MYOF: variants seen among roughly 807,000 people sequenced by gnomAD.
The protein encoded by MYOF is myoferlin.
Under a neutral mutation model 284.2 loss-of-function variants are expected in MYOF, and 244 were observed. That is an observed-to-expected ratio of 0.86 (90% CI 0.77 to 0.95). The LOEUF is 0.95. Ranked by LOEUF, MYOF falls within the 40% of genes least tolerant of loss-of-function variation. The pLI, the probability that MYOF is intolerant of heterozygous loss-of-function variation, is 0.00. For synonymous variants in MYOF, 904 were observed against 919.7 expected, an observed-to-expected ratio of 0.98 and a Z score of 0.31; for missense variants, 2,496 against 2,560.6, an observed-to-expected ratio of 0.97 and a Z score of 0.54.
At chr10:93,444,293 G>A (rs1209915715) in intron 3 of MYOF, among the ~76,000 whole-genome samples, 2 of 152,178 alleles carry the variant, frequency 1.3e-5, no homozygotes, top group Non-Finnish European at 2.9e-5. Context: ...TATATGCCAG[G>A]CACTGTGCTA....
rs776522735 is a variant in MYOF, at chr10:93,337,811, G to A, written c.4437+4C>T. On this transcript the variant is annotated splice_donor_region_variant and intron_variant, in intron 40 of 53. Coordinates refer to ENST00000359263, the MANE Select transcript of MYOF (RefSeq NM_013451.4). Reference sequence around the variant, plus strand: ...TCCACCCATAGCAGCATAGATCCAGGTACCTTGAGCTTGGAATAGCCTTTC... The same window carrying A: ...TCCACCCATAGCAGCATAGATCCAGATACCTTGAGCTTGGAATAGCCTTTC... 6 of 1,611,714 alleles carry A rather than the reference G, an allele frequency of 3.7e-6. No individual in the cohort carries two copies. In the Admixed American group the frequency reaches 1.0e-4, roughly 27 times the overall value.
At chr10:93,336,172 G>T in intron 40 of MYOF, 126 bp from the exon 41 acceptor site, 2 of 1,079,500 alleles carry the variant, frequency 1.9e-6, no homozygotes, top group Non-Finnish European at 2.6e-6. Flanking sequence ...CAAATCGCTG[G>T]CGGGAGTGTA....
chr10:93,381,442 T>C (rs2134002769), intron 19 of MYOF, 46 bp from the exon 20 acceptor site: 3 of 1,590,512 alleles, frequency 1.9e-6, no homozygotes, highest in Non-Finnish European at 1.7e-6. Flanking sequence ...GGCCATTTGT[T>C]CTTATTTACA....
rs772605322 is a variant in MYOF at position 93,355,675 on chromosome 10, G to C, written c.3356C>G (p.Thr1119Ser). ...GGGGGTGTTTGCTCCGAACACAGTG[G>C]TGGCACTGTGCTTCTGTTTCTCCAG... ...KSLEKQKHSA[T>S]TVFGANTPIV... The change falls in exon 31 of 54, where the codon ACC (threonine) becomes AGC (serine). Residue 1119 changes from threonine (T) to serine (S), a missense_variant. Thr to Ser is a moderately conservative substitution (Grantham distance 58). Around this residue, in one of 3 missense-constraint regions of MYOF, gnomAD observed 2,436 missense variants for 2,480.7 expected, o/e 0.98. Transcript: ENST00000359263. 4 of 1,613,368 alleles carry C rather than the reference G, an allele frequency of 2.5e-6. No homozygotes were observed. The highest frequency in any genetic ancestry group is 1.3e-5 in the African/African-American group (1 of 75,038).
intron 29 of MYOF, 119 bp from the exon 30 acceptor site, chr10:93,356,967 A>G: frequency 9.5e-7 from 1 of 1,054,248 alleles, no homozygotes; most frequent in Non-Finnish European, 1.3e-6. Context: ...ACTCTGTGCC[A>G]AGTACTGAGC....
intron 5 of MYOF, among the ~76,000 whole-genome samples, chr10:93,415,815 T>G (rs545005220): frequency 1.1e-4 from 17 of 152,152 alleles, no homozygotes; most frequent in Non-Finnish European, 2.4e-4. Context: ...ACTGGATCAT[T>G]CCCATCAAAA....
At chr10:93,373,217 C>T (rs1845671848) in intron 23 of MYOF, 132 bp from the exon 24 acceptor site, 6 of 1,047,920 alleles carry the variant, frequency 5.7e-6, no homozygotes, top group Non-Finnish European at 8.4e-6. Flanking sequence ...GGCTCTGTCT[C>T]AAATTCCTGA....
At chr10:93,388,022 C>T (rs1846481666) in intron 18 of MYOF, 109 bp from the exon 19 acceptor site, 1 of 804,016 alleles carries the variant, frequency 1.2e-6, no homozygotes, top group African/African-American at 1.7e-5. Flanking sequence ...TCCCATGGCC[C>T]TAACCTTCGA....
intron 5 of MYOF, among the ~76,000 whole-genome samples, chr10:93,410,992 C>T (rs1380245914): frequency 1.3e-5 from 2 of 152,194 alleles, no homozygotes; most frequent in Non-Finnish European, 2.9e-5. Context: ...CTTAATTTCT[C>T]TAAGCTTCAG....
chr10:93,307,308 T>A (rs898106416), intron 53 of MYOF, among the ~76,000 whole-genome samples: 3 of 151,882 alleles, frequency 2.0e-5, no homozygotes, highest in African/African-American at 7.3e-5. Context: ...TTTTTATTTT[T>A]TTTTTGAGAT....
At chr10:93,412,998 T>A (rs574813647) in intron 5 of MYOF, among the ~76,000 whole-genome samples, 1 of 152,136 alleles carries the variant, frequency 6.6e-6, no homozygotes, top group Non-Finnish European at 1.5e-5. Context: ...CCTTCCATCA[T>A]CCTGGGCCTA....
intron 5 of MYOF, among the ~76,000 whole-genome samples, chr10:93,418,828 T>C (rs954729348): frequency 7.2e-5 from 11 of 152,244 alleles, no homozygotes; most frequent in Non-Finnish European, 1.0e-4. Context: ...CACTTGTTTA[T>C]GATGAGCACT....
intron 45 of MYOF, 129 bp from the exon 46 acceptor site, chr10:93,326,094 T>A (rs1285309321): frequency 1.7e-6 from 2 of 1,201,910 alleles, no homozygotes; most frequent in Non-Finnish European, 2.4e-6. Context: ...ACATGCAAAC[T>A]TTGACTTGTG....
intron 2 of MYOF, among the ~76,000 whole-genome samples, chr10:93,454,986 T>TAA (rs1564732516): frequency 3.3e-3 from 280 of 84,518 alleles, no homozygotes; most frequent in Middle Eastern, 0.012. Context: ...CTTTTTTTAA[T>TAA]TAAAAAAAAA....
At chr10:93,454,494 A>G (rs527485847) in intron 2 of MYOF, among the ~76,000 whole-genome samples, 178 of 152,318 alleles carry the variant, frequency 1.2e-3, no homozygotes, top group African/African-American at 4.2e-3. Context: ...GCACTCTCAC[A>G]TAAATGCATT....
intron 3 of MYOF, among the ~76,000 whole-genome samples, chr10:93,441,794 A>G (rs1589575132): frequency 6.6e-6 from 1 of 151,726 alleles, no homozygotes; most frequent in Non-Finnish European, 1.5e-5. Flanking sequence ...CGAACTCCTG[A>G]CCTCGTGATC....
intron 5 of MYOF, among the ~76,000 whole-genome samples, chr10:93,422,262 C>G (rs1848384971): frequency 6.6e-6 from 1 of 152,154 alleles, no homozygotes; most frequent in Non-Finnish European, 1.5e-5. Context: ...AGTTTTGGTT[C>G]ATTTCCTGTC....
chr10:93,307,014 CAA>C lies in MYOF; in HGVS notation c.6148-15_6148-14del. The C allele has an allele frequency of 1.9e-6, 3 of 1,608,534 alleles. No individual in the cohort carries two copies. The highest frequency in any genetic ancestry group is 2.5e-6 in the Non-Finnish European group (3 of 1,176,494). ...TTGACAAATAGTTCTGGAAAGGAAACAAAAACAGTGGTAAAAAAACATGTATG... is the reference window on the plus strand; with the variant it reads ...TTGACAAATAGTTCTGGAAAGGAAACAAACAGTGGTAAAAAAACATGTATG... On this transcript the variant is annotated splice_polypyrimidine_tract_variant and intron_variant, in intron 53 of 53. Coordinates refer to ENST00000359263, the MANE Select transcript of MYOF (RefSeq NM_013451.4).
At chr10:93,345,468 A>C (rs1217849673) in intron 37 of MYOF, among the ~76,000 whole-genome samples, 1 of 152,130 alleles carries the variant, frequency 6.6e-6, no homozygotes, top group Non-Finnish European at 1.5e-5. Context: ...GGGGAGACTG[A>C]CATTTCCTGA....
Sources: allele counts gnomAD v4.1 joint callset (sites outside exome capture counted in the v4.1 genomes callset), GRCh38; gene constraint gnomAD v4.1.1; regional missense constraint gnomAD v4.1.1; transcripts MANE v1.5; gene names NCBI Gene and HGNC (gene_info 2026-07-23, HGNC 2026-07-21).